Variants in PTPRG observed in about 807,000 individuals in gnomAD.
PTPRG encodes the protein protein tyrosine phosphatase receptor type G.
PTPRG carries 102 observed loss-of-function variants against 165.3 expected under a neutral mutation model. That is an observed-to-expected ratio of 0.62 (90% CI 0.53 to 0.73). The LOEUF (loss-of-function observed/expected upper bound fraction) is 0.73, where lower values mean the gene tolerates loss of function less well. Among genes scored for constraint, PTPRG ranks in the 30% least tolerant of loss-of-function variants. PTPRG has a pLI of 0.00. For missense variants in PTPRG, 1,866 were observed against 1,861.4 expected (o/e 1.00, Z -0.05); for synonymous variants, 675 against 669.5 (o/e 1.01, Z -0.13).
At chr3:62,246,593 C>T (rs1479999899) in intron 15 of PTPRG, among the ~76,000 whole-genome samples, 1 of 152,096 alleles carries the variant, frequency 6.6e-6, no homozygotes, top group Non-Finnish European at 1.5e-5. Context: ...AAGAAAAACA[C>T]AATTCAATTT....
At chr3:61,943,626 A>T (rs60669680) in intron 2 of PTPRG, among the ~76,000 whole-genome samples, 1,695 of 152,356 alleles carry the variant, frequency 0.011, 24 homozygotes, top group African/African-American at 0.038. Flanking sequence ...TGCCTGGGCA[A>T]TACTGAAGAA....
intron 2 of PTPRG, among the ~76,000 whole-genome samples, chr3:61,945,937 A>G (rs2039749485): frequency 6.6e-6 from 1 of 152,228 alleles, no homozygotes; most frequent in Non-Finnish European, 1.5e-5. Flanking sequence ...TATGCTCATT[A>G]AACATCACTG....
At chr3:62,232,600 C>T (rs965013824) in intron 14 of PTPRG, among the ~76,000 whole-genome samples, 2 of 152,188 alleles carry the variant, frequency 1.3e-5, no homozygotes, top group African/African-American at 4.8e-5. Flanking sequence ...GATAAATGCA[C>T]ATCCAATTTC....
intron 2 of PTPRG, among the ~76,000 whole-genome samples, chr3:61,905,914 T>C (rs962212223): frequency 4.6e-5 from 7 of 152,352 alleles, no homozygotes; most frequent in African/African-American, 1.7e-4. Context: ...GTATTATGTC[T>C]CCAGGATTAA....
chr3:61,989,802 C>T lies in PTPRG; in HGVS notation c.368C>T (p.Thr123Ile). 2 of 1,613,774 alleles carry T rather than the reference C, an allele frequency of 1.2e-6. No individual in the cohort carries two copies. Among genetic ancestry groups the T allele is most frequent in the East Asian group, 2.2e-5 (1 of 44,856 alleles). Residue 123 changes from threonine to isoleucine, a missense_variant and splice_region_variant, in exon 3 of 30, where the codon ACA becomes ATA. Transcript: ENST00000474889. ...ACCTGGATGAAAAACACAGGGAAAA[C>T]AGGTAGACAATGGCTTCTTTATTTG... ...NKTWMKNTGKTVAILLKDDYF... is the reference protein window; with the variant it reads ...NKTWMKNTGKIVAILLKDDYF...
At chr3:62,082,782 A>T (rs1387997339) in intron 5 of PTPRG, among the ~76,000 whole-genome samples, 1 of 152,226 alleles carries the variant, frequency 6.6e-6, no homozygotes, top group Non-Finnish European at 1.5e-5. Context: ...AACAACCTCC[A>T]TGTGTGGAAG....
intron 14 of PTPRG, 119 bp downstream of exon 14, chr3:62,231,430 C>T: frequency 1.6e-6 from 1 of 614,496 alleles, no homozygotes; most frequent in South Asian, 5.6e-5. Flanking sequence ...TGAAACTCAC[C>T]TGCTTTACCT....
At chr3:61,813,344 A>AG (rs2035648171) in intron 2 of PTPRG, among the ~76,000 whole-genome samples, 1 of 150,084 alleles carries the variant, frequency 6.7e-6, no homozygotes, top group African/African-American at 2.5e-5. Context: ...AAAAAAAAAA[A>AG]AATAGAAAAA....
At chr3:62,117,645 G>A (rs780989570) in intron 5 of PTPRG, among the ~76,000 whole-genome samples, 3 of 152,168 alleles carry the variant, frequency 2.0e-5, no homozygotes, top group African/African-American at 7.2e-5. Context: ...GAGGCACTGG[G>A]TTTCCTATTG....
At chr3:61,802,844 A>T (rs1046349573) in intron 2 of PTPRG, among the ~76,000 whole-genome samples, 1 of 152,148 alleles carries the variant, frequency 6.6e-6, no homozygotes, top group Non-Finnish European at 1.5e-5. Context: ...CATGCCCAGT[A>T]TAAAGGTAAT....
chr3:62,013,207 G>T (rs2107742060), intron 4 of PTPRG, among the ~76,000 whole-genome samples: 2 of 152,004 alleles, frequency 1.3e-5, no homozygotes, highest in African/African-American at 4.8e-5. Flanking sequence ...ATATAAAAAG[G>T]TATCGCTGAG....
At chr3:62,223,884 C>T (rs1169189096) in intron 13 of PTPRG, among the ~76,000 whole-genome samples, 1 of 152,136 alleles carries the variant, frequency 6.6e-6, no homozygotes, top group Non-Finnish European at 1.5e-5. Context: ...TTGCATACAA[C>T]ATGCTTGAAA....
chr3:62,261,116 A>G (rs1037918175), intron 16 of PTPRG: 1 of 152,216 alleles, frequency 6.6e-6, no homozygotes, highest in African/African-American at 2.4e-5. Context: ...GGAAAAAAAA[A>G]TCAATAAACA....
intron 2 of PTPRG, among the ~76,000 whole-genome samples, chr3:61,874,772 C>CA (rs2037686442): frequency 6.6e-6 from 1 of 152,076 alleles, no homozygotes; most frequent in African/African-American, 2.4e-5. Flanking sequence ...TGATCTAGCC[C>CA]AAAATATTAA....
At chr3:62,204,223 A>G (rs1014064883) in intron 12 of PTPRG, among the ~76,000 whole-genome samples, 5 of 152,172 alleles carry the variant, frequency 3.3e-5, no homozygotes, top group African/African-American at 1.2e-4. Context: ...CCAGGCAATG[A>G]TATACATGAA....
At chr3:62,289,364 G>A (rs189032605) in intron 28 of PTPRG, among the ~76,000 whole-genome samples, 1 of 152,258 alleles carries the variant, frequency 6.6e-6, no homozygotes. Flanking sequence ...GGGCCCACAA[G>A]TCCTGGCCAA....
intron 1 of PTPRG, among the ~76,000 whole-genome samples, chr3:61,616,190 C>A (rs1489446388): frequency 6.6e-6 from 1 of 152,068 alleles, no homozygotes; most frequent in Non-Finnish European, 1.5e-5. Context: ...GCCCTCAGGT[C>A]ATCTGCCCAC....
At chr3:61,580,022 T>TA (rs537931664) in intron 1 of PTPRG, among the ~76,000 whole-genome samples, 2 of 152,034 alleles carry the variant, frequency 1.3e-5, no homozygotes, top group African/African-American at 4.8e-5. Context: ...TTGAAAAAAA[T>TA]AAAAAATATG....
chr3:62,241,698 C>T (rs1486289059), intron 14 of PTPRG, among the ~76,000 whole-genome samples: 2 of 152,026 alleles, frequency 1.3e-5, no homozygotes. Context: ...TTAACAGTAA[C>T]TTGGCCAATA....
Sources: gnomAD v4.1 joint callset for allele counts (sites outside exome capture counted in the v4.1 genomes callset) on GRCh38, gnomAD v4.1.1 for gene constraint, MANE v1.5 for transcripts, NCBI Gene and HGNC (gene_info 2026-07-23, HGNC 2026-07-21) for gene names.